The following ZNF445 variants were observed in gnomAD, a reference collection of about 807,000 sequenced individuals.
The protein encoded by ZNF445 is zinc finger protein 445.
In ZNF445, 19 loss-of-function variants were observed where a neutral mutation model predicts 93.9. The observed-to-expected ratio is 0.20, with a 90% confidence interval of 0.14 to 0.30. The LOEUF is 0.30. Among genes scored for constraint, ZNF445 ranks in the 10% least tolerant of loss-of-function variants. ZNF445 has a pLI of 1.00. For synonymous variants in ZNF445, 449 were observed against 446.3 expected (o/e 1.01, Z -0.08); for missense variants, 1,058 against 1,259.4 (o/e 0.84, Z 2.42).
At chr3:44,474,209 G>A (rs772616051) in intron 1 of ZNF445, among the ~76,000 whole-genome samples, 2 of 152,102 alleles carry the variant, frequency 1.3e-5, no homozygotes, top group Non-Finnish European at 2.9e-5. Context: ...CCAAATTGAG[G>A]GACTTTATAA....
chr3:44,472,841 T>C (rs1458837443), intron 1 of ZNF445, among the ~76,000 whole-genome samples: 2 of 152,102 alleles, frequency 1.3e-5, no homozygotes, highest in Non-Finnish European at 2.9e-5. Context: ...ACAATTACAC[T>C]CAGAACTGGG....
chr3:44,450,365 A>G (rs1477132414), intron 6 of ZNF445, 82 bp downstream of exon 6: 9 of 1,572,894 alleles, frequency 5.7e-6, no homozygotes, highest in Non-Finnish European at 7.9e-6. Flanking sequence ...AAACCAGGTC[A>G]GGTACCTTTC....
At position 44,442,981 on chromosome 3, in the gene ZNF445, T is replaced by G. The variant is rs967474171; in HGVS notation, c.*3594A>C. On this transcript the variant is annotated 3_prime_UTR_variant, in exon 8 of 8. Transcript: ENST00000396077. ...AGATAAATAAGCACCCAACCCTGGC[T>G]TCCAGAGTGCTTGGTCTGGCTATGG... 3.3e-5 allele frequency: 5 copies of G among 152,260 alleles called. No individual in the cohort carries two copies. Among genetic ancestry groups the G allele is most frequent in the African/African-American group, 1.2e-4 (5 of 41,468 alleles). 9.4% of individuals were successfully genotyped at this position (152,260 alleles called of 1,614,324 possible).
chr3:44,448,825 G>A, intron 7 of ZNF445, 86 bp from the exon 8 acceptor site: 3 of 1,476,950 alleles, frequency 2.0e-6, no homozygotes, highest in South Asian at 1.3e-5. Flanking sequence ...AAATGTCTGG[G>A]TGGTGAGGCT....
chr3:44,473,494 A>C lies in ZNF445; in HGVS notation c.-269+4097T>G, dbSNP rs887068033. Among the ~76,000 whole-genome samples the C allele has an allele frequency of 1.0e-2, 1,024 of 102,574 alleles. 30 individuals are homozygous for C. The highest frequency in any genetic ancestry group is 0.085 in the Admixed American group (933 of 10,972). The allele number at this position is 102,574 out of a possible 152,430, so 67.3% of individuals were successfully genotyped here. A position where few individuals can be genotyped will look rare whatever the true frequency, so the allele number is the denominator to read the frequency against. On this transcript the variant is annotated intron_variant, in intron 1 of 7. Coordinates refer to ENST00000396077, the MANE Select transcript of ZNF445 (RefSeq NM_181489.6). ...ACACACACACACACACACACACAAAAAATGCTTTCAGTATATATTTAAAGC... is the reference window on the plus strand; with the variant it reads ...ACACACACACACACACACACACAAACAATGCTTTCAGTATATATTTAAAGC...
rs1277932054 is a variant in ZNF445, at chr3:44,440,808, G to A, written c.*5767C>T. On this transcript the variant is annotated 3_prime_UTR_variant, in exon 8 of 8. Transcript: ENST00000396077. ...TTATTGATTATATGCTAAACAAGGG[G>A]TAGATTATTCATAAGTTTCCCGGGA... 5 of 152,126 alleles carry A rather than the reference G, an allele frequency of 3.3e-5. No individual in the cohort carries two copies. The highest frequency in any genetic ancestry group is 5.9e-5 in the Non-Finnish European group (4 of 68,038). 9.4% of individuals were successfully genotyped at this position (152,126 alleles called of 1,614,324 possible).
rs1178881749 is a variant in ZNF445, at chr3:44,433,596, G to A, written c.*12979C>T. The A allele has an allele frequency of 6.6e-6, 1 of 152,434 alleles. No homozygotes were observed. Among genetic ancestry groups the A allele is most frequent in the East Asian group, 1.9e-4 (1 of 5,194 alleles). The allele number at this position is 152,434 out of a possible 1,614,324, so 9.4% of individuals were successfully genotyped here. A position where few individuals can be genotyped will look rare whatever the true frequency, so the allele number is the denominator to read the frequency against. On this transcript the variant is annotated 3_prime_UTR_variant, in exon 8 of 8. Coordinates refer to ENST00000396077, the MANE Select transcript of ZNF445 (RefSeq NM_181489.6). ...GATGGGGTTATGAGAGAAATGCCCA[G>A]GGAGGGAGACTGGAGAAGGTTCAGG...
chr3:44,436,978 G>A lies in ZNF445; in HGVS notation c.*9597C>T, dbSNP rs1244543656. On this transcript the variant is annotated 3_prime_UTR_variant, in exon 8 of 8. Transcript: ENST00000396077. ...TGGATCTCGCACAAGAAAGAATTCA[G>A]GGCGAGTCCGTAAAGAGAAAGCAAG... 1 of 152,186 alleles carries A rather than the reference G, an allele frequency of 6.6e-6. No homozygotes were observed. Among genetic ancestry groups the A allele is most frequent in the African/African-American group, 2.4e-5 (1 of 41,420 alleles). 9.4% of individuals were successfully genotyped at this position (152,186 alleles called of 1,614,324 possible).
At chr3:44,473,120 A>G (rs1406839003) in intron 1 of ZNF445, among the ~76,000 whole-genome samples, 2 of 152,170 alleles carry the variant, frequency 1.3e-5, no homozygotes, top group African/African-American at 4.8e-5. Context: ...GAAGGTATAT[A>G]AACTGATATT....
intron 1 of ZNF445, among the ~76,000 whole-genome samples, chr3:44,474,768 A>C (rs191374562): frequency 1.7e-4 from 26 of 152,350 alleles, no homozygotes; most frequent in African/African-American, 4.3e-4. Flanking sequence ...ATGGTAATCC[A>C]AGATAGCAAC....
chr3:44,457,533 A>G (rs994186239), intron 2 of ZNF445, among the ~76,000 whole-genome samples: 2 of 152,184 alleles, frequency 1.3e-5, no homozygotes, highest in African/African-American at 4.8e-5. Context: ...AGTAGCTGGG[A>G]TTACAGGCAT....
intron 1 of ZNF445, among the ~76,000 whole-genome samples, chr3:44,465,010 TG>T (rs1698174463): frequency 6.9e-6 from 1 of 144,178 alleles, no homozygotes; most frequent in Non-Finnish European, 1.5e-5. Flanking sequence ...GAGGTTGCAG[TG>T]AGCCAAGATC....
At chr3:44,458,959 T>G (rs1178536412) in intron 1 of ZNF445, among the ~76,000 whole-genome samples, 1 of 152,206 alleles carries the variant, frequency 6.6e-6, no homozygotes, top group African/African-American at 2.4e-5. Flanking sequence ...ACTCTTTTTG[T>G]CCAGTCACGT....
chr3:44,464,131 A>C (rs1187039937), intron 1 of ZNF445, among the ~76,000 whole-genome samples: 1 of 151,646 alleles, frequency 6.6e-6, no homozygotes, highest in Non-Finnish European at 1.5e-5. Flanking sequence ...ATCTCAAAAA[A>C]CAAACAAACA....
At chr3:44,473,574 G>T (rs1698303091) in intron 1 of ZNF445, among the ~76,000 whole-genome samples, 2 of 151,870 alleles carry the variant, frequency 1.3e-5, no homozygotes, top group African/African-American at 4.8e-5. Flanking sequence ...AATAATGGGA[G>T]TGCCCAAAAT....
At chr3:44,472,112 A>G (rs1698277685) in intron 1 of ZNF445, among the ~76,000 whole-genome samples, 1 of 152,228 alleles carries the variant, frequency 6.6e-6, no homozygotes, top group Non-Finnish European at 1.5e-5. Flanking sequence ...AAAGTATGAA[A>G]AGAACCAAAA....
rs754665354 is a variant in ZNF445 at position 44,446,881 on chromosome 3, T to C, written c.2790A>G (p.Ala930=). Residue 930 remains alanine, a synonymous_variant, in exon 8 of 8, where the codon GCA becomes GCG. Transcript: ENST00000396077. The surrounding 1 kb of genome is among the most constrained non-coding windows in gnomAD (Gnocchi z 4.2). ...ACTTTGTGTCCTGAGAGGAAGACCG[T>C]GCAGGCGGGCTACGTTCAGCCTGTG... ...RAAQAERSPP[A]RSSSQDTKLR... The C allele has an allele frequency of 6.2e-7, 1 of 1,614,206 alleles. No individual in the cohort carries two copies. Among genetic ancestry groups the C allele is most frequent in the Non-Finnish European group, 8.5e-7 (1 of 1,180,044 alleles).
Position 44,438,958 on chromosome 3 carries a change from G to A in ZNF445, c.*7617C>T, listed in dbSNP as rs1283322294. On this transcript the variant is annotated 3_prime_UTR_variant, in exon 8 of 8. Transcript: ENST00000396077. ...GGTGCAGCGCACCAGCATGGCACAT[G>A]TATACATATGTAACTAACCTGCACA... 1.3e-5 allele frequency: 2 copies of A among 148,376 alleles called. No individual in the cohort carries two copies. The highest frequency in any genetic ancestry group is 2.5e-5 in the African/African-American group (1 of 40,232). 9.2% of individuals were successfully genotyped at this position (148,376 alleles called of 1,614,324 possible).
Position 44,450,790 on chromosome 3 carries a change from C to A in ZNF445, c.693+78G>T, listed in dbSNP as rs1697945818. ...ATGTGAGATTACTAGACAGAGAAAC[C>A]CAGGATGGGGAAGCTGCACTATCCC... On this transcript the variant is annotated intron_variant, in intron 5 of 7. Coordinates refer to ENST00000396077, the MANE Select transcript of ZNF445 (RefSeq NM_181489.6). 9 of 1,361,060 alleles carry A rather than the reference C, an allele frequency of 6.6e-6. No homozygotes were observed. In the South Asian group the frequency reaches 1.2e-4, roughly 18 times the overall value. The allele number at this position is 1,361,060 out of a possible 1,614,324, so 84.3% of individuals were successfully genotyped here.
Sources: gnomAD v4.1 joint callset for allele counts (sites outside exome capture counted in the v4.1 genomes callset) on GRCh38, gnomAD v4.1.1 for gene constraint, Gnocchi (gnomAD v3.1) non-coding constraint, MANE v1.5 for transcripts, NCBI Gene and HGNC (gene_info 2026-07-23, HGNC 2026-07-21) for gene names.